Variants in ZNF814 observed in about 807,000 individuals in gnomAD.
ZNF814 encodes the protein zinc finger protein 814.
In ZNF814, 5 loss-of-function variants were observed where a neutral mutation model predicts 7.5. The observed-to-expected ratio is 0.67, with a 90% confidence interval of 0.35 to 1.40. The LOEUF (loss-of-function observed/expected upper bound fraction) is 1.40, where lower values mean the gene tolerates loss of function less well. ZNF814 is among the 40% of genes most tolerant of loss of function. The pLI is 0.04. For missense variants in ZNF814, 962 were observed against 1,018.0 expected (o/e 0.94, Z 0.75); for synonymous variants, 315 against 340.7 (o/e 0.92, Z 0.83).
rs1395330336 is a variant in ZNF814 at position 57,888,860 on chromosome 19, G to A, written c.-58C>T. The A allele has an allele frequency of 6.5e-7, 1 of 1,540,262 alleles. No homozygotes were observed. The highest frequency in any genetic ancestry group is 8.8e-7 in the Non-Finnish European group (1 of 1,137,170). On this transcript the variant is annotated 5_prime_UTR_variant, in exon 1 of 3. Transcript: ENST00000435989. ...ATAGGGCGACCAGCCAGGAGATATG[G>A]GCACGACGGTCCGTATCCTGGCCCA...
At chr19:57,889,603 G>A (rs2071722247), upstream of ZNF814, among the ~76,000 whole-genome samples, 1 of 152,052 alleles carries the variant, frequency 6.6e-6, no homozygotes, top group Non-Finnish European at 1.5e-5. Context: ...GGCGGCTCAC[G>A]CCCGTAATCC....
intron 1 of ZNF814, among the ~76,000 whole-genome samples, chr19:57,880,080 A>C (rs1223692336): frequency 3.3e-5 from 4 of 120,944 alleles, no homozygotes; most frequent in Non-Finnish European, 5.1e-5. Context: ...CTGGTGACAG[A>C]ACAAGACTCC....
chr19:57,899,126 T>C, the ZNF814 span, among the ~76,000 whole-genome samples: 4 of 152,136 alleles, frequency 2.6e-5, no homozygotes, highest in Non-Finnish European at 5.9e-5. Flanking sequence ...CCCAAGATTA[T>C]GAAAAATTTG....
At chr19:57,889,342 G>C (rs531434522), upstream of ZNF814, among the ~76,000 whole-genome samples, 1 of 152,206 alleles carries the variant, frequency 6.6e-6, no homozygotes, top group South Asian at 2.1e-4. Context: ...TCAGGAGTTA[G>C]AAATTAGCCT....
At chr19:57,875,891 G>C (rs747482544) in intron 2 of ZNF814, among the ~76,000 whole-genome samples, 9 of 144,504 alleles carry the variant, frequency 6.2e-5, no homozygotes, top group Non-Finnish European at 1.2e-4. Context: ...AGAACAGGTT[G>C]TTGGTATGCT....
At chr19:57,889,712 A>G (rs1037789045), upstream of ZNF814, among the ~76,000 whole-genome samples, 4 of 152,054 alleles carry the variant, frequency 2.6e-5, no homozygotes, top group African/African-American at 9.6e-5. Flanking sequence ...TAAAAATACA[A>G]AAATTAACCC....
At chr19:57,877,848 T>G (rs1274451203) in intron 1 of ZNF814, among the ~76,000 whole-genome samples, 1 of 152,070 alleles carries the variant, frequency 6.6e-6, no homozygotes, top group Non-Finnish European at 1.5e-5. Flanking sequence ...ATTCTACACA[T>G]GTCATCAAGA....
Position 57,878,038 on chromosome 19 carries a change from C to T in ZNF814, c.37-996G>A, listed in dbSNP as rs1270984730. Among the ~76,000 whole-genome samples, 4 of 151,520 alleles carry T rather than the reference C, an allele frequency of 2.6e-5. No individual in the cohort carries two copies. The East Asian group carries it at 5.9e-4, about 22-fold the overall frequency. ...AAAATTAGCTGAGCGTGGTGTCGGGCGCCTGTGATCCCAGCTACTTGGGAG... is the reference window on the plus strand; with the variant it reads ...AAAATTAGCTGAGCGTGGTGTCGGGTGCCTGTGATCCCAGCTACTTGGGAG... On this transcript the variant is annotated intron_variant, in intron 1 of 2. Transcript: ENST00000435989.
chr19:57,873,180 ACT>A lies in ZNF814; in HGVS notation c.2208_2209del (p.Arg736SerfsTer9), dbSNP rs779745884. 10 of 1,613,500 alleles carry A rather than the reference ACT, an allele frequency of 6.2e-6. No individual in the cohort carries two copies. The highest frequency in any genetic ancestry group is 1.7e-4 in the Middle Eastern group (1 of 6,058). ...TTCATAAGGCCTTTCTCCAGTGTGA[ACT>A]CTCTGATGTGCAATGAGTTGGTACT... is the stretch of plus-strand genomic sequence containing the variant. On this transcript the variant is annotated frameshift_variant, in exon 3 of 3. Transcript: ENST00000435989. LOFTEE classifies it low-confidence loss of function (END_TRUNC).
upstream of ZNF814, among the ~76,000 whole-genome samples, chr19:57,889,677 CA>C (rs2071723062): frequency 6.6e-6 from 1 of 152,016 alleles, no homozygotes; most frequent in South Asian, 2.1e-4. Context: ...CTGGCCTGGC[CA>C]ACATGGTGAA....
chr19:57,886,977 C>T (rs1331919823), intron 1 of ZNF814, among the ~76,000 whole-genome samples: 9 of 151,068 alleles, frequency 6.0e-5, no homozygotes, highest in African/African-American at 7.3e-5. Flanking sequence ...CAGTTGAAGT[C>T]GGGAGTTTGA....
intron 1 of ZNF814, among the ~76,000 whole-genome samples, chr19:57,886,583 C>CA (rs149803292): frequency 0.07 from 10,234 of 146,798 alleles, 1,070 homozygotes; most frequent in African/African-American, 0.23. Context: ...GTTTAATAAA[C>CA]AAAAAAAAAA....
At chr19:57,901,747 G>C in the ZNF814 span, 47 of 398,600 alleles carry the variant, frequency 1.2e-4, no homozygotes, top group South Asian at 5.5e-3. Flanking sequence ...AAAACAACTA[G>C]TAACCTAATG....
At chr19:57,888,214 T>C (rs2071709223) in intron 1 of ZNF814, among the ~76,000 whole-genome samples, 2 of 152,314 alleles carry the variant, frequency 1.3e-5, no homozygotes, top group East Asian at 1.9e-4. Context: ...GTTTGCTATA[T>C]TGACTGACTT....
chr19:57,891,394 G>A (rs563989318), upstream of ZNF814, among the ~76,000 whole-genome samples: 12 of 151,428 alleles, frequency 7.9e-5, no homozygotes, highest in Non-Finnish European at 1.3e-4. Context: ...GCGTGGTGGC[G>A]GGTGCCTGTA....
chr19:57,902,987 T>G, the ZNF814 span, among the ~76,000 whole-genome samples: 1 of 152,124 alleles, frequency 6.6e-6, no homozygotes, highest in Non-Finnish European at 1.5e-5. Context: ...CCGGAAATAT[T>G]ACTCTTTACA....
chr19:57,888,195 T>C (rs1216706548), intron 1 of ZNF814, among the ~76,000 whole-genome samples: 1 of 152,208 alleles, frequency 6.6e-6, no homozygotes, highest in Non-Finnish European at 1.5e-5. Context: ...AAGTATACTA[T>C]TGTGTATTGT....
At chr19:57,883,475 A>G (rs2071665164) in intron 1 of ZNF814, among the ~76,000 whole-genome samples, 1 of 151,942 alleles carries the variant, frequency 6.6e-6, no homozygotes, top group South Asian at 2.1e-4. Flanking sequence ...ATTCTGGCCA[A>G]TATAGTGGAA....
In ZNF814 at chr19:57,871,835, C is replaced by T. The variant is rs1006715816; in HGVS notation, c.*987G>A. Among the ~76,000 whole-genome samples, 4 of 147,304 alleles carry T rather than the reference C, an allele frequency of 2.7e-5. No homozygotes were observed. The highest frequency in any genetic ancestry group is 1.0e-4 in the African/African-American group (4 of 39,780). On this transcript the variant is annotated 3_prime_UTR_variant, in exon 3 of 3. Coordinates refer to ENST00000435989, the MANE Select transcript of ZNF814 (RefSeq NM_001144989.2). ...AAAAAAAAAAAAAAAAAAGGCCAGG[C>T]ACAGTAACTCACACCTGTAATCCCA...
Sources: gnomAD v4.1 joint callset for allele counts (sites outside exome capture counted in the v4.1 genomes callset) on GRCh38, gnomAD v4.1.1 for gene constraint, MANE v1.5 for transcripts, NCBI Gene and HGNC (gene_info 2026-07-23, HGNC 2026-07-21) for gene names.